AEBP2: variants seen among roughly 807,000 people sequenced by gnomAD.
The protein encoded by AEBP2 is zinc finger protein AEBP2.
A neutral mutation model predicts 50.8 loss-of-function variants in AEBP2; 10 were observed. That is an observed-to-expected ratio of 0.20 (90% CI 0.12 to 0.33). The LOEUF (loss-of-function observed/expected upper bound fraction) is 0.33. AEBP2 is among the 10% of genes least tolerant of loss of function. The pLI is 1.00. For synonymous variants in AEBP2, 296 were observed against 261.3 expected, an observed-to-expected ratio of 1.13 and a Z score of -1.28; for missense variants, 570 against 688.0, an observed-to-expected ratio of 0.83 and a Z score of 1.92.
chr12:19,473,322 T>C lies in AEBP2; in HGVS notation c.954T>C (p.His318=). 1 of 1,539,662 alleles carries C rather than the reference T, an allele frequency of 6.5e-7. No individual in the cohort carries two copies. Among genetic ancestry groups the C allele is most frequent in the Non-Finnish European group, 8.8e-7 (1 of 1,140,542 alleles). Residue 318 remains histidine (H), a synonymous_variant, in exon 3 of 8, where the codon CAT becomes CAC. Coordinates refer to ENST00000266508, the MANE Select transcript of AEBP2 (RefSeq NM_153207.5). ...CCAGTCAAAGTTGGTTACAAAGGCATATGCTGACACACAGTGGAGACAAAC... is the reference window on the plus strand; with the variant it reads ...CCAGTCAAAGTTGGTTACAAAGGCACATGCTGACACACAGTGGAGACAAAC... ...PSTSQSWLQR[H]MLTHSGDKPF...
At position 19,518,387 on chromosome 12, in the gene AEBP2, A is replaced by G; in HGVS notation, c.*270A>G. ...AGACTGAGCAAACACTCTTTTGGCA[A>G]CTTAGTAGAACAGCTTCTTAAAGGC... On this transcript the variant is annotated 3_prime_UTR_variant, in exon 8 of 8. Coordinates refer to ENST00000266508, the MANE Select transcript of AEBP2 (RefSeq NM_153207.5). The G allele has an allele frequency of 1.6e-6, 2 of 1,227,322 alleles. No individual in the cohort carries two copies. The highest frequency in any genetic ancestry group is 2.0e-6 in the Non-Finnish European group (2 of 983,486). The allele number at this position is 1,227,322 out of a possible 1,614,324, so 76.0% of individuals were successfully genotyped here.
chr12:19,405,729 C>G (rs1408164279), intron 1 of AEBP2, among the ~76,000 whole-genome samples: 1 of 152,112 alleles, frequency 6.6e-6, no homozygotes, highest in Non-Finnish European at 1.5e-5. Context: ...GTTCCTGCTT[C>G]GTCTCACACC....
At chr12:19,452,961 C>CTTTTTTTTTT (rs34876719) in intron 1 of AEBP2, among the ~76,000 whole-genome samples, 1 of 106,898 alleles carries the variant, frequency 9.4e-6, no homozygotes, top group Non-Finnish European at 1.8e-5. Flanking sequence ...GACTTACGTT[C>CTTTTTTTTTT]TTTTTTTTTT....
intron 1 of AEBP2, among the ~76,000 whole-genome samples, chr12:19,432,181 A>G (rs765997051): frequency 1.3e-5 from 2 of 152,142 alleles, no homozygotes; most frequent in African/African-American, 4.8e-5. Flanking sequence ...AGAGTAACAA[A>G]TGCAGCGTGG....
chr12:19,498,031 G>A (rs139917021), intron 4 of AEBP2, among the ~76,000 whole-genome samples: 3 of 152,304 alleles, frequency 2.0e-5, no homozygotes, highest in African/African-American at 7.2e-5. Flanking sequence ...ATGCAGTGGA[G>A]ATAGTGTGGT....
intron 7 of AEBP2, among the ~76,000 whole-genome samples, chr12:19,516,968 A>G (rs1277169284): frequency 6.6e-6 from 1 of 152,152 alleles, no homozygotes; most frequent in Non-Finnish European, 1.5e-5. Flanking sequence ...CGGAGGTTGC[A>G]GTGAGCCGAG....
chr12:19,405,902 A>C (rs2095735976), intron 1 of AEBP2, among the ~76,000 whole-genome samples: 1 of 151,790 alleles, frequency 6.6e-6, no homozygotes, highest in South Asian at 2.1e-4. Flanking sequence ...CCCGAGTTCA[A>C]GTGATTCTCC....
rs922255284 is a variant in AEBP2 at position 19,479,818 on chromosome 12, T to C, written c.987+6463T>C. 2.7e-5 allele frequency among the ~76,000 whole-genome samples: 4 copies of C among 150,126 alleles called. No homozygotes were observed. The East Asian group carries it at 7.9e-4, about 29-fold the overall frequency. ...TATGCCTGCTTGCTTTTGGTTTCTA[T>C]TTGCATGGAGTATCTTTTTCCACCC... On this transcript the variant is annotated intron_variant, in intron 3 of 7. Coordinates refer to ENST00000266508, the MANE Select transcript of AEBP2 (RefSeq NM_153207.5).
intron 1 of AEBP2, among the ~76,000 whole-genome samples, chr12:19,429,491 C>T (rs1202001907): frequency 1.3e-5 from 2 of 152,042 alleles, no homozygotes. Context: ...GGGTATATAC[C>T]CAGTAATGGG....
chr12:19,452,350 A>G (rs1001529039), intron 1 of AEBP2, among the ~76,000 whole-genome samples: 1 of 152,248 alleles, frequency 6.6e-6, no homozygotes, highest in African/African-American at 2.4e-5. Flanking sequence ...ACAATGCAGG[A>G]TATATAGCAA....
At chr12:19,515,610 T>C (rs916869894) in intron 7 of AEBP2, among the ~76,000 whole-genome samples, 27 of 152,228 alleles carry the variant, frequency 1.8e-4, no homozygotes, top group African/African-American at 6.5e-4. Context: ...AATGAAACTT[T>C]GTAAATTTTA....
intron 5 of AEBP2, among the ~76,000 whole-genome samples, chr12:19,501,797 G>GTTTGTTTTTTTTTTT (rs60750234): frequency 1.4e-4 from 10 of 70,906 alleles, no homozygotes; most frequent in East Asian, 9.8e-4. Flanking sequence ...AAATGAGTTT[G>GTTTGTTTTTTTTTTT]TTTTTTTTTT....
chr12:19,492,252 C>T (rs1948904840), intron 3 of AEBP2, among the ~76,000 whole-genome samples: 1 of 152,098 alleles, frequency 6.6e-6, no homozygotes, highest in Non-Finnish European at 1.5e-5. Context: ...TTAATTACCA[C>T]GATTCATTTG....
rs915558634 is a variant in AEBP2, at chr12:19,518,574, C to T, written c.*457C>T. 1.0e-4 allele frequency: 140 copies of T among 1,353,316 alleles called. No individual in the cohort carries two copies. The highest frequency in any genetic ancestry group is 5.2e-4 in the Middle Eastern group (2 of 3,818). 83.8% of individuals were successfully genotyped at this position (1,353,316 alleles called of 1,614,324 possible). A position where few individuals can be genotyped will look rare whatever the true frequency, so the allele number is the denominator to read the frequency against. ...TTGACAGTGTTTATTGATTTGAAGT[C>T]ATATTAGGAAATATTTAGACAATGA... is the stretch of plus-strand genomic sequence containing the variant. On this transcript the variant is annotated 3_prime_UTR_variant, in exon 8 of 8. Coordinates refer to ENST00000266508, the MANE Select transcript of AEBP2 (RefSeq NM_153207.5).
intron 5 of AEBP2, among the ~76,000 whole-genome samples, chr12:19,511,729 G>T (rs749874346): frequency 1.3e-5 from 2 of 151,996 alleles, no homozygotes; most frequent in Non-Finnish European, 2.9e-5. Context: ...CCCTTTTTGG[G>T]CCTGAAGTGC....
At chr12:19,438,660 T>C (rs1478561733), upstream of AEBP2, among the ~76,000 whole-genome samples, 1 of 152,198 alleles carries the variant, frequency 6.6e-6, no homozygotes, top group Non-Finnish European at 1.5e-5. Context: ...ACCCAGATAC[T>C]TCAATTTATG....
At chr12:19,451,407 T>C (rs770767917) in intron 1 of AEBP2, among the ~76,000 whole-genome samples, 3 of 152,162 alleles carry the variant, frequency 2.0e-5, no homozygotes, top group Non-Finnish European at 2.9e-5. Context: ...CCTCTCTAGC[T>C]CTGTGTATGT....
intron 1 of AEBP2, among the ~76,000 whole-genome samples, chr12:19,405,652 T>C (rs1237962286): frequency 6.6e-6 from 1 of 152,100 alleles, no homozygotes; most frequent in South Asian, 2.1e-4. Context: ...ATTCAAGATT[T>C]TCCTCTATTT....
chr12:19,459,645 C>T (rs1460019507), intron 1 of AEBP2, among the ~76,000 whole-genome samples: 2 of 152,146 alleles, frequency 1.3e-5, no homozygotes, highest in African/African-American at 4.8e-5. Flanking sequence ...TTCAGATATT[C>T]AAGAGCTGAT....
Sources: gnomAD v4.1 joint callset for allele counts (sites outside exome capture counted in the v4.1 genomes callset) on GRCh38, gnomAD v4.1.1 for gene constraint, MANE v1.5 for transcripts, NCBI Gene and HGNC (gene_info 2026-07-23, HGNC 2026-07-21) for gene names.